The following USH2A variants were observed in gnomAD, a reference collection of about 807,000 sequenced individuals.
USH2A encodes the protein Usher syndrome 2A (autosomal recessive, mild).
A neutral mutation model predicts 538.9 loss-of-function variants in USH2A; 443 were observed. The ratio of observed to expected loss-of-function variants is 0.82; its 90% confidence interval spans 0.76 to 0.89. The LOEUF (loss-of-function observed/expected upper bound fraction) is 0.89, where lower values mean the gene tolerates loss of function less well. Among genes scored for constraint, USH2A ranks in the 40% least tolerant of loss-of-function variants. The pLI is 0.00. For missense variants in USH2A, 6,633 were observed against 6,324.8 expected (o/e 1.05, Z -1.65); for synonymous variants, 2,413 against 2,273.5 (o/e 1.06, Z -1.75).
At chr1:215,836,670 C>T (rs1663541784) in intron 47 of USH2A, among the ~76,000 whole-genome samples, 3 of 140,042 alleles carry the variant, frequency 2.1e-5, no homozygotes, top group African/African-American at 7.9e-5. Flanking sequence ...CATGCTCCTG[C>T]CTCAGCCTCC....
At chr1:216,259,742 T>A (rs1237565308) in intron 11 of USH2A, among the ~76,000 whole-genome samples, 3 of 152,084 alleles carry the variant, frequency 2.0e-5, no homozygotes, top group African/African-American at 7.2e-5. Flanking sequence ...CTGAATACAT[T>A]TACTAAAATA....
At chr1:215,728,883 A>C (rs1659909591) in intron 60 of USH2A, among the ~76,000 whole-genome samples, 1 of 152,278 alleles carries the variant, frequency 6.6e-6, no homozygotes, top group South Asian at 2.1e-4. Flanking sequence ...GCATGTATGC[A>C]TGCAGTTATA....
chr1:215,824,674 C>T (rs1223240845), intron 47 of USH2A, among the ~76,000 whole-genome samples: 1 of 152,148 alleles, frequency 6.6e-6, no homozygotes, highest in Admixed American at 6.6e-5. Context: ...CTCTGGATGT[C>T]CTCACAGAGA....
intron 11 of USH2A, among the ~76,000 whole-genome samples, chr1:216,285,040 G>T (rs142255113): frequency 6.6e-6 from 1 of 152,188 alleles, no homozygotes; most frequent in Non-Finnish European, 1.5e-5. Flanking sequence ...AAATTTGCAG[G>T]CTGACAATGC....
At chr1:215,750,727 C>T (rs185750371) in intron 58 of USH2A, among the ~76,000 whole-genome samples, 3 of 152,252 alleles carry the variant, frequency 2.0e-5, no homozygotes, top group African/African-American at 7.2e-5. Flanking sequence ...GACTTGGACT[C>T]ACACCCATGA....
intron 47 of USH2A, among the ~76,000 whole-genome samples, chr1:215,828,729 T>C (rs1023177515): frequency 2.6e-5 from 4 of 152,172 alleles, no homozygotes; most frequent in African/African-American, 9.6e-5. Flanking sequence ...TTAAAAGACA[T>C]GATCTGAGTT....
At chr1:216,347,033 A>G (rs2038189637) in intron 4 of USH2A, among the ~76,000 whole-genome samples, 1 of 152,134 alleles carries the variant, frequency 6.6e-6, no homozygotes. Context: ...AATTATTGAT[A>G]AAATAAAGAC....
chr1:216,410,901 T>C (rs2039478479), intron 3 of USH2A, among the ~76,000 whole-genome samples: 1 of 152,180 alleles, frequency 6.6e-6, no homozygotes, highest in African/African-American at 2.4e-5. Context: ...CACTTACATC[T>C]GACTTGGTCC....
At chr1:215,689,417 A>G (rs1382329115) in intron 61 of USH2A, among the ~76,000 whole-genome samples, 2 of 152,320 alleles carry the variant, frequency 1.3e-5, no homozygotes, top group African/African-American at 2.4e-5. Flanking sequence ...GTGAAACTGC[A>G]TATCTCAGAA....
At chr1:215,642,688 G>A (rs1294950932) in intron 67 of USH2A, among the ~76,000 whole-genome samples, 1 of 151,946 alleles carries the variant, frequency 6.6e-6, no homozygotes, top group Non-Finnish European at 1.5e-5. Context: ...ACTCTATCTG[G>A]CTGGTGGAAA....
chr1:215,630,482 G>GTGTATATATA (rs1293184920), intron 70 of USH2A, among the ~76,000 whole-genome samples: 2 of 22,550 alleles, frequency 8.9e-5, no homozygotes, highest in African/African-American at 2.0e-4. Context: ...ATGTGTGTGT[G>GTGTATATATA]TATATATATA....
At position 216,027,211 on chromosome 1, in the gene USH2A, G is replaced by T. The variant is rs778403759; in HGVS notation, c.6325+19220C>A. Among the ~76,000 whole-genome samples, 10 of 152,132 alleles carry T rather than the reference G, an allele frequency of 6.6e-5. No individual in the cohort carries two copies. The East Asian group carries it at 7.8e-4, about 12-fold the overall frequency. On this transcript the variant is annotated intron_variant, in intron 32 of 71. Transcript: ENST00000307340. ...CATTATGATGAGCCTTAATTCAATC[G>T]GACAGATGCCCTTATAAGAAGAGAA...
At chr1:215,871,243 AATAAT>A (rs1400893925) in intron 43 of USH2A, among the ~76,000 whole-genome samples, 5 of 152,232 alleles carry the variant, frequency 3.3e-5, no homozygotes, top group African/African-American at 1.2e-4. Context: ...CCTCATAAAA[AATAAT>A]ATGTGTTAAA....
At chr1:215,641,789 G>T (rs953112998) in intron 67 of USH2A, among the ~76,000 whole-genome samples, 2 of 152,056 alleles carry the variant, frequency 1.3e-5, no homozygotes, top group African/African-American at 4.8e-5. Context: ...GAATAATTAT[G>T]CTTTTGTAAT....
At chr1:216,089,497 AAAG>A (rs1228058009) in intron 22 of USH2A, among the ~76,000 whole-genome samples, 3 of 152,114 alleles carry the variant, frequency 2.0e-5, no homozygotes, top group Admixed American at 1.3e-4. Context: ...TAAATATGAA[AAAG>A]AAGAGAAAAA....
At chr1:216,409,738 AT>A (rs2039454072) in intron 3 of USH2A, among the ~76,000 whole-genome samples, 1 of 152,122 alleles carries the variant, frequency 6.6e-6, no homozygotes, top group Non-Finnish European at 1.5e-5. Context: ...TCAAGTTGGA[AT>A]AAAGACTTAA....
In USH2A at chr1:216,259,307, A is replaced by G. The variant is rs1025835790; in HGVS notation, c.1972-8209T>C. 2.6e-5 allele frequency among the ~76,000 whole-genome samples: 4 copies of G among 152,172 alleles called. No individual in the cohort carries two copies. The South Asian group carries it at 6.2e-4, about 24-fold the overall frequency. ...TGTGGTTGGGAGCAAAGGAAGGGAA[A>G]AAAAGATGTGTTTTAATGTAGTAAC... On this transcript the variant is annotated intron_variant, in intron 11 of 71. Coordinates refer to ENST00000307340, the MANE Select transcript of USH2A (RefSeq NM_206933.4).
rs555728454 is a variant in USH2A, at chr1:215,747,850, G to C, written c.11390-4515C>G. Reference sequence around the variant, plus strand: ...GAGGAATAAAAGGCTGTTGTTTGAAGCCACAGGTTTTTTGTTTTTTTTTGT... The same window carrying C: ...GAGGAATAAAAGGCTGTTGTTTGAACCCACAGGTTTTTTGTTTTTTTTTGT... On this transcript the variant is annotated intron_variant, in intron 58 of 71. Coordinates refer to ENST00000307340, the MANE Select transcript of USH2A (RefSeq NM_206933.4). Among the ~76,000 whole-genome samples, 12 of 151,930 alleles carry C rather than the reference G, an allele frequency of 7.9e-5. No homozygotes were observed. In the East Asian group the frequency reaches 2.1e-3, roughly 27 times the overall value.
At chr1:216,041,890 A>T (rs2030292938) in intron 32 of USH2A, among the ~76,000 whole-genome samples, 1 of 152,038 alleles carries the variant, frequency 6.6e-6, no homozygotes, top group Admixed American at 6.6e-5. Flanking sequence ...TATAAAATTC[A>T]CTGCTGACAA....
Sources: gnomAD v4.1 joint callset for allele counts (sites outside exome capture counted in the v4.1 genomes callset) on GRCh38, gnomAD v4.1.1 for gene constraint, MANE v1.5 for transcripts, NCBI Gene and HGNC (gene_info 2026-07-23, HGNC 2026-07-21) for gene names.